The following PDE4D variants were observed in gnomAD, a reference collection of about 807,000 sequenced individuals.
The protein encoded by PDE4D is phosphodiesterase 4D.
PDE4D carries 24 observed loss-of-function variants against 87.4 expected under a neutral mutation model. The observed-to-expected ratio is 0.27, with a 90% CI of 0.20 to 0.39. PDE4D has a LOEUF of 0.39. PDE4D is among the 10% of genes least tolerant of loss of function. The pLI, the probability that PDE4D is intolerant of heterozygous loss-of-function variation, is 1.00. For synonymous variants in PDE4D, 384 were observed against 383.2 expected (o/e 1.00, Z -0.02); for missense variants, 714 against 1,041.0 (o/e 0.69, Z 4.32).
At chr5:59,601,319 A>G (rs1223606878) in intron 1 of PDE4D, among the ~76,000 whole-genome samples, 1 of 152,082 alleles carries the variant, frequency 6.6e-6, no homozygotes, top group Non-Finnish European at 1.5e-5. Flanking sequence ...TTATATAAAC[A>G]GGTCACAGTA....
intron 1 of PDE4D, among the ~76,000 whole-genome samples, chr5:59,362,432 G>A (rs1782364989): frequency 2.6e-5 from 4 of 152,014 alleles, no homozygotes; most frequent in Admixed American, 2.6e-4. Flanking sequence ...GTTATATCTT[G>A]AAGGTTAATC....
chr5:59,900,880 T>C (rs1214912759), intron 3 of PDE4D, among the ~76,000 whole-genome samples: 1 of 152,168 alleles, frequency 6.6e-6, no homozygotes, highest in Non-Finnish European at 1.5e-5. Flanking sequence ...ATCTTTAGAT[T>C]CTTAATGTAG....
chr5:59,347,183 T>G (rs1779746415), intron 1 of PDE4D, among the ~76,000 whole-genome samples: 4 of 152,186 alleles, frequency 2.6e-5, no homozygotes, highest in Admixed American at 2.0e-4. Flanking sequence ...AAAAGAAAAA[T>G]TCCTGAAAAT....
At chr5:60,509,927 A>G (rs1750497291) in intron 1 of PDE4D, among the ~76,000 whole-genome samples, 2 of 152,204 alleles carry the variant, frequency 1.3e-5, no homozygotes, top group African/African-American at 2.4e-5. Flanking sequence ...TAATCGGGTC[A>G]GGGCTGGTGC....
chr5:59,022,349 A>G (rs1000308274), intron 6 of PDE4D, among the ~76,000 whole-genome samples: 1 of 152,100 alleles, frequency 6.6e-6, no homozygotes, highest in African/African-American at 2.4e-5. Context: ...TCTCTGCCTC[A>G]CACTGCCTAA....
chr5:59,734,591 G>C (rs760371716), intron 1 of PDE4D, among the ~76,000 whole-genome samples: 10 of 151,976 alleles, frequency 6.6e-5, no homozygotes, highest in Non-Finnish European at 1.2e-4. Context: ...TTTTTGGCCA[G>C]ATATTTTCTA....
chr5:59,348,721 C>A (rs1268651685), intron 1 of PDE4D, among the ~76,000 whole-genome samples: 1 of 145,350 alleles, frequency 6.9e-6, no homozygotes, highest in African/African-American at 2.5e-5. Context: ...TATATATTTA[C>A]TCTATTCACA....
chr5:59,232,533 T>C (rs898747177), intron 1 of PDE4D, among the ~76,000 whole-genome samples: 1 of 147,710 alleles, frequency 6.8e-6, no homozygotes, highest in East Asian at 2.0e-4. Flanking sequence ...AAATAGATGC[T>C]GGTGAGGAAG....
chr5:60,178,347 G>T (rs1447148458), intron 2 of PDE4D, among the ~76,000 whole-genome samples: 1 of 152,012 alleles, frequency 6.6e-6, no homozygotes, highest in Admixed American at 6.6e-5. Context: ...CCCACTCAAG[G>T]ATATGGTCTT....
intron 1 of PDE4D, among the ~76,000 whole-genome samples, chr5:59,877,565 A>G (rs991918446): frequency 6.6e-6 from 1 of 151,798 alleles, no homozygotes; most frequent in Non-Finnish European, 1.5e-5. Context: ...CTGTAATCCC[A>G]GCACTTTGGG....
At chr5:59,270,955 A>G (rs1017462695) in intron 1 of PDE4D, among the ~76,000 whole-genome samples, 1 of 152,178 alleles carries the variant, frequency 6.6e-6, no homozygotes, top group African/African-American at 2.4e-5. Flanking sequence ...AATAAGAACT[A>G]AATAATATAT....
chr5:59,379,820 T>G (rs1329735530), intron 1 of PDE4D, among the ~76,000 whole-genome samples: 1 of 151,858 alleles, frequency 6.6e-6, no homozygotes, highest in Admixed American at 6.6e-5. Flanking sequence ...AATTAAGAGG[T>G]AGGATTTTAA....
chr5:59,651,014 G>A (rs1297452424), intron 1 of PDE4D, among the ~76,000 whole-genome samples: 9 of 152,038 alleles, frequency 5.9e-5, no homozygotes, highest in African/African-American at 1.9e-4. Flanking sequence ...TCAGCACTTT[G>A]GGAGGCCGAG....
chr5:59,528,544 C>T (rs80078151), intron 1 of PDE4D, among the ~76,000 whole-genome samples: 4 of 151,898 alleles, frequency 2.6e-5, no homozygotes, highest in African/African-American at 7.3e-5. Context: ...CAGTGTCTAT[C>T]TAATCTAAAG....
At chr5:60,081,032 C>T (rs555571826) in intron 2 of PDE4D, among the ~76,000 whole-genome samples, 1 of 152,018 alleles carries the variant, frequency 6.6e-6, no homozygotes, top group Admixed American at 6.6e-5. Context: ...GTTGGTAGGC[C>T]ATTAATTACT....
chr5:60,412,121 G>A (rs1357860412), intron 1 of PDE4D, among the ~76,000 whole-genome samples: 1 of 152,026 alleles, frequency 6.6e-6, no homozygotes, highest in Non-Finnish European at 1.5e-5. Context: ...ATTCATGGCT[G>A]GGTTCATCTG....
Position 58,969,610 on chromosome 5 carries a change from GCTC to G in PDE4D, c.*5051_*5053del, listed in dbSNP as rs1017835465. The G allele has an allele frequency of 7.9e-5, 12 of 152,218 alleles. No homozygotes were observed. The highest frequency in any genetic ancestry group is 2.9e-4 in the African/African-American group (12 of 41,532). The allele number at this position is 152,218 out of a possible 1,614,324, so 9.4% of individuals were successfully genotyped here. ...GGTTCCTGCTTATTTACCCCACTGA[GCTC>G]CTTCATTGTACTGATCACATATATA... On this transcript the variant is annotated 3_prime_UTR_variant, in exon 15 of 15. Coordinates refer to ENST00000340635, the MANE Select transcript of PDE4D (RefSeq NM_001104631.2).
intron 1 of PDE4D, among the ~76,000 whole-genome samples, chr5:59,259,787 A>C (rs908433382): frequency 2.6e-5 from 4 of 151,818 alleles, no homozygotes; most frequent in African/African-American, 9.7e-5. Context: ...TCCCTCCCCA[A>C]GCCTCTCATA....
At chr5:59,360,033 T>C in intron 1 of PDE4D, among the ~76,000 whole-genome samples, 1 of 152,172 alleles carries the variant, frequency 6.6e-6, no homozygotes. Flanking sequence ...CGTTTTTGCC[T>C]CTTGAATATT....
Sources: allele counts gnomAD v4.1 joint callset (sites outside exome capture counted in the v4.1 genomes callset), GRCh38; gene constraint gnomAD v4.1.1; transcripts MANE v1.5; gene names NCBI Gene and HGNC (gene_info 2026-07-23, HGNC 2026-07-21).